Variants in VPS36 observed in about 807,000 individuals in gnomAD.
VPS36 encodes vacuolar protein sorting 36 homolog.
In VPS36, 31 loss-of-function variants were observed where a neutral mutation model predicts 63.5. The ratio of observed to expected loss-of-function variants is 0.49; its 90% CI spans 0.37 to 0.66. The LOEUF (loss-of-function observed/expected upper bound fraction) is 0.66, where lower values mean the gene tolerates loss of function less well. Among genes scored for constraint, VPS36 ranks in the 30% least tolerant of loss-of-function variants. VPS36 has a pLI of 0.00. For synonymous variants in VPS36, 138 were observed against 157.2 expected (o/e 0.88, Z 0.91); for missense variants, 338 against 463.7 (o/e 0.73, Z 2.49).
In VPS36 at chr13:52,442,260, G is replaced by A. The variant is rs1032263103; in HGVS notation, c.165+117C>T. ...CGGCTACTCGGGAGGTTGAGGCCAG[G>A]AGAATCACTTGAGCCCAGAGGTTAC... On this transcript the variant is annotated intron_variant, in intron 2 of 13. Coordinates refer to ENST00000378060, the MANE Select transcript of VPS36 (RefSeq NM_016075.4). 2.2e-5 allele frequency: 19 copies of A among 857,832 alleles called. No individual in the cohort carries two copies. The African/African-American group carries it at 2.3e-4, about 10-fold the overall frequency. 53.1% of individuals were successfully genotyped at this position (857,832 alleles called of 1,614,324 possible).
At chr13:52,448,055 TA>T (rs1245401426) in intron 1 of VPS36, among the ~76,000 whole-genome samples, 1 of 151,954 alleles carries the variant, frequency 6.6e-6, no homozygotes, top group Non-Finnish European at 1.5e-5. Flanking sequence ...TATTCGGGTT[TA>T]AAAAAAATGT....
chr13:52,446,438 G>A (rs915634560), intron 1 of VPS36, among the ~76,000 whole-genome samples: 6 of 152,116 alleles, frequency 3.9e-5, no homozygotes, highest in Non-Finnish European at 7.4e-5. Context: ...AAATGTTGCT[G>A]CTCTAAGTGA....
At chr13:52,428,377 C>A (rs1958124441) in intron 6 of VPS36, among the ~76,000 whole-genome samples, 1 of 152,174 alleles carries the variant, frequency 6.6e-6, no homozygotes. Context: ...TGGCTCTGAT[C>A]AGCTTATGCC....
chr13:52,422,913 G>C (rs546024551), intron 10 of VPS36, among the ~76,000 whole-genome samples: 151 of 152,312 alleles, frequency 9.9e-4, no homozygotes, highest in African/African-American at 3.3e-3. Context: ...CGAGGGACCT[G>C]GTGGGAGATG....
chr13:52,426,191 T>A, intron 8 of VPS36, 125 bp from the exon 9 acceptor site: 2 of 1,214,244 alleles, frequency 1.6e-6, no homozygotes, highest in Admixed American at 5.0e-5. Flanking sequence ...TGTGTTTCTA[T>A]GCTGTGAACT....
intron 2 of VPS36, among the ~76,000 whole-genome samples, chr13:52,439,845 T>C (rs1958258053): frequency 6.6e-6 from 1 of 152,270 alleles, no homozygotes; most frequent in Admixed American, 6.5e-5. Context: ...TACATCAAGA[T>C]AATTTTAAGG....
Position 52,415,936 on chromosome 13 carries a change from A to G in VPS36, c.1068-13T>C, listed in dbSNP as rs372989497. On this transcript the variant is annotated splice_polypyrimidine_tract_variant and intron_variant, in intron 13 of 13. Coordinates refer to ENST00000378060, the MANE Select transcript of VPS36 (RefSeq NM_016075.4). ...TGCAAGCAGCAACCTAAAAAAAAAC[A>G]ACAAAAAAACCCCCACACAATTATC... The G allele has an allele frequency of 6.2e-7, 1 of 1,613,078 alleles. No individual in the cohort carries two copies. The highest frequency in any genetic ancestry group is 1.3e-5 in the African/African-American group (1 of 74,816).
chr13:52,416,288 G>A, intron 12 of VPS36, 195 bp from the exon 13 acceptor site: 1 of 580,292 alleles, frequency 1.7e-6, no homozygotes, highest in East Asian at 3.0e-5. Flanking sequence ...AAAAGTTGAA[G>A]TACCCAGAAG....
In VPS36 at chr13:52,426,997, C is replaced by G; in HGVS notation, c.631G>C (p.Glu211Gln). The G allele has an allele frequency of 6.2e-7, 1 of 1,612,058 alleles. No individual in the cohort carries two copies. The highest frequency in any genetic ancestry group is 1.1e-5 in the South Asian group (1 of 90,546). ...AAAAGCAACTTATTTACCTCATCTT[C>G]TGTGATGTCACCTTGTTTGTCTTTA... ...KIKDKQGDIT[E>Q]DETIRFKSYL... The change falls in exon 8 of 14, where the codon GAA becomes CAA. Residue 211 changes from glutamate (E) to glutamine (Q), a missense_variant. Physicochemically the swap from Glu to Gln is conservative, Grantham distance 29. Coordinates refer to ENST00000378060, the MANE Select transcript of VPS36 (RefSeq NM_016075.4).
intron 3 of VPS36, among the ~76,000 whole-genome samples, chr13:52,437,500 G>T (rs1038479368): frequency 2.3e-4 from 35 of 152,062 alleles, no homozygotes; most frequent in East Asian, 7.7e-4. Flanking sequence ...TTGTGTGAAA[G>T]GACACCCAAT....
intron 6 of VPS36, 77 bp from the exon 7 acceptor site, chr13:52,427,296 T>C: frequency 6.6e-7 from 1 of 1,524,286 alleles, no homozygotes; most frequent in African/African-American, 1.4e-5. Flanking sequence ...CACCCTCTAT[T>C]TTTTCCCCAT....
chr13:52,425,934 C>T lies in VPS36; in HGVS notation c.772G>A (p.Glu258Lys). ...AAACACATAGGTTTAGTTTTTACCT[C>T]TAAAGGCACCTGCAATATTCCAGCC... is the stretch of plus-strand genomic sequence containing the variant. ...QLAGILQVPL[E>K]ERGGIMSLTE... The change falls in exon 9 of 14, where the codon GAG (glutamate) becomes AAG (lysine). Residue 258 changes from glutamate to lysine, a missense_variant and splice_region_variant. Coordinates refer to ENST00000378060, the MANE Select transcript of VPS36 (RefSeq NM_016075.4). 1.9e-6 allele frequency: 3 copies of T among 1,611,208 alleles called. No individual in the cohort carries two copies. The highest frequency in any genetic ancestry group is 2.5e-6 in the Non-Finnish European group (3 of 1,179,092).
chr13:52,438,610 T>C (rs1228428390), intron 3 of VPS36, among the ~76,000 whole-genome samples: 1 of 152,238 alleles, frequency 6.6e-6, no homozygotes. Flanking sequence ...CTTACGCCTT[T>C]ATACCAGAGT....
At chr13:52,427,359 A>G (rs1314549038) in intron 6 of VPS36, 140 bp from the exon 7 acceptor site, 4 of 776,066 alleles carry the variant, frequency 5.2e-6, no homozygotes, top group Non-Finnish European at 8.3e-6. Flanking sequence ...TAATCCCAGC[A>G]CTCTGGGAGG....
intron 2 of VPS36, among the ~76,000 whole-genome samples, chr13:52,441,883 T>A (rs1387032161): frequency 2.0e-5 from 3 of 152,158 alleles, no homozygotes; most frequent in Non-Finnish European, 4.4e-5. Context: ...GGACAACCAG[T>A]GGTTTTAAGG....
intron 4 of VPS36, among the ~76,000 whole-genome samples, chr13:52,435,606 C>T (rs1958208254): frequency 6.6e-6 from 1 of 152,030 alleles, no homozygotes; most frequent in Admixed American, 6.5e-5. Flanking sequence ...AAATATAAAA[C>T]CAAAAAGTAG....
rs918189304 is a variant in VPS36 at position 52,438,302 on chromosome 13, TA to T, written c.236+795del. ...CAACCTACCCTAAAAATCTATGGCT[TA>T]AAAAAAATCTATGGCTTATTAATCT... On this transcript the variant is annotated intron_variant, in intron 3 of 13. Transcript: ENST00000378060. Among the ~76,000 whole-genome samples, 6 of 152,100 alleles carry T rather than the reference TA, an allele frequency of 3.9e-5. No homozygotes were observed. The East Asian group carries it at 5.8e-4, about 15-fold the overall frequency.
At chr13:52,439,453 T>A (rs180710275) in intron 2 of VPS36, among the ~76,000 whole-genome samples, 38 of 149,232 alleles carry the variant, frequency 2.5e-4, no homozygotes, top group Non-Finnish European at 4.3e-4. Context: ...TTTTTTAATT[T>A]ATTTTTTTTT....
chr13:52,439,394 G>A (rs1958250747), intron 2 of VPS36, among the ~76,000 whole-genome samples: 1 of 152,066 alleles, frequency 6.6e-6, no homozygotes, highest in Non-Finnish European at 1.5e-5. Flanking sequence ...AAAAGAAGCT[G>A]TAACTAGCTT....
Sources: allele counts gnomAD v4.1 joint callset (sites outside exome capture counted in the v4.1 genomes callset), GRCh38; gene constraint gnomAD v4.1.1; transcripts MANE v1.5; gene names NCBI Gene and HGNC (gene_info 2026-07-23, HGNC 2026-07-21).